Variants in ST6GAL1 observed in about 807,000 individuals in gnomAD.
The protein encoded by ST6GAL1 is ST6 beta-galactoside alpha-2,6-sialyltransferase 1, also known as beta-galactoside alpha-2,6-sialyltransferase 1.
In ST6GAL1, 20 loss-of-function variants were observed where a neutral mutation model predicts 38.0. The ratio of observed to expected loss-of-function variants is 0.53; its 90% CI spans 0.37 to 0.77. The LOEUF (loss-of-function observed/expected upper bound fraction) is 0.77, where lower values mean the gene tolerates loss of function less well. ST6GAL1 is among the 30% of genes least tolerant of loss of function. The probability of loss-of-function intolerance (pLI) is 0.00; values close to 1 mark genes in which losing one functional copy is unlikely to be tolerated. For synonymous variants in ST6GAL1, 196 were observed against 188.2 expected, an observed-to-expected ratio of 1.04 and a Z score of -0.34; for missense variants, 432 against 496.4, an observed-to-expected ratio of 0.87 and a Z score of 1.23.
intron 3 of ST6GAL1, among the ~76,000 whole-genome samples, chr3:187,042,358 T>C (rs1390221302): frequency 6.6e-6 from 1 of 152,120 alleles, no homozygotes; most frequent in Admixed American, 6.5e-5. Context: ...CAGAAACTAA[T>C]ATTCAGCATA....
chr3:187,029,100 G>A (rs114088596), intron 2 of ST6GAL1, among the ~76,000 whole-genome samples: 1,207 of 43,752 alleles, frequency 0.028, 9 homozygotes, highest in Middle Eastern at 0.08. Flanking sequence ...AAAAAAAAAA[G>A]AATTTTTCAT....
intron 1 of ST6GAL1, among the ~76,000 whole-genome samples, chr3:186,959,268 T>G (rs561345478): frequency 1.3e-5 from 2 of 152,298 alleles, no homozygotes; most frequent in African/African-American, 4.8e-5. Flanking sequence ...TAGTTTCAGC[T>G]CTTTGCTGGA....
intron 1 of ST6GAL1, among the ~76,000 whole-genome samples, chr3:186,959,855 A>G (rs997049202): frequency 3.3e-5 from 5 of 152,224 alleles, no homozygotes; most frequent in African/African-American, 1.2e-4. Context: ...CATTGCTCAC[A>G]TCTCAGACAA....
chr3:187,065,974 G>C, intron 5 of ST6GAL1, among the ~76,000 whole-genome samples: 1 of 152,090 alleles, frequency 6.6e-6, no homozygotes, highest in Non-Finnish European at 1.5e-5. Flanking sequence ...GTGGGATTTG[G>C]TTCTAGGTGT....
chr3:187,023,197 GTCT>G (rs1005463937), intron 2 of ST6GAL1, among the ~76,000 whole-genome samples: 1 of 152,130 alleles, frequency 6.6e-6, no homozygotes, highest in East Asian at 1.9e-4. Context: ...TTGCTCAAAT[GTCT>G]TCTTCTCAGT....
chr3:187,008,234 A>G (rs1334947277), intron 2 of ST6GAL1, among the ~76,000 whole-genome samples: 1 of 152,170 alleles, frequency 6.6e-6, no homozygotes, highest in Non-Finnish European at 1.5e-5. Flanking sequence ...CCACCTCATA[A>G]GAAAACTTCT....
intron 1 of ST6GAL1, among the ~76,000 whole-genome samples, chr3:186,960,007 C>T (rs7637693): frequency 0.093 from 14,125 of 152,144 alleles, 987 homozygotes; most frequent in African/African-American, 0.2. Context: ...TGAGTCAACA[C>T]AGAGCACTCG....
At chr3:187,004,460 G>A (rs925725759) in intron 2 of ST6GAL1, among the ~76,000 whole-genome samples, 3 of 152,198 alleles carry the variant, frequency 2.0e-5, no homozygotes, top group African/African-American at 7.2e-5. Flanking sequence ...CCTTTTATAA[G>A]CATTACTGAG....
intron 1 of ST6GAL1, among the ~76,000 whole-genome samples, chr3:186,956,353 G>C (rs2108523552): frequency 6.6e-6 from 1 of 152,130 alleles, no homozygotes; most frequent in East Asian, 1.9e-4. Context: ...ATCTATGCCT[G>C]TAAAATGTTT....
chr3:187,017,367 C>T (rs139731797), intron 2 of ST6GAL1, among the ~76,000 whole-genome samples: 18 of 152,110 alleles, frequency 1.2e-4, no homozygotes, highest in African/African-American at 4.1e-4. Context: ...TATCAGGCAT[C>T]TATATTTTAA....
chr3:186,996,259 G>A (rs2108549320), intron 2 of ST6GAL1, among the ~76,000 whole-genome samples: 1 of 152,298 alleles, frequency 6.6e-6, no homozygotes, highest in East Asian at 1.9e-4. Context: ...ATAGACAATT[G>A]TGTTTTTGAT....
Position 187,051,295 on chromosome 3 carries a change from C to A in ST6GAL1, c.654C>A (p.Asn218Lys). 6.2e-7 allele frequency: 1 copy of A among 1,614,162 alleles called. No homozygotes were observed. Among genetic ancestry groups the A allele is most frequent in the Non-Finnish European group, 8.5e-7 (1 of 1,180,024 alleles). ...VLRFNGAPTA[N>K]FQQDVGTKTT... ...GGTTTAATGGGGCACCCACAGCCAACTTCCAACAAGATGTGGGCACAAAAA... is the reference window on the plus strand; with the variant it reads ...GGTTTAATGGGGCACCCACAGCCAAATTCCAACAAGATGTGGGCACAAAAA... Residue 218 changes from asparagine (N) to lysine (K), a missense_variant, in exon 5 of 8, where the codon AAC (asparagine) becomes AAA (lysine). Transcript: ENST00000169298.
Position 186,954,784 on chromosome 3 carries a change from T to C in ST6GAL1, c.-324-9001T>C, listed in dbSNP as rs368053875. ...ATTTTCTCCCGTTCTGTAGGCTGTC[T>C]GTTCACTCTAATGATAGTTTCTTTT... On this transcript the variant is annotated intron_variant, in intron 1 of 7. Coordinates refer to ENST00000169298, the MANE Select transcript of ST6GAL1 (RefSeq NM_173216.2). Among the ~76,000 whole-genome samples the C allele has an allele frequency of 9.9e-5, 15 of 152,222 alleles. No homozygotes were observed. In the East Asian group the frequency reaches 1.2e-3, roughly 12 times the overall value.
chr3:186,998,756 T>C (rs112664483), intron 2 of ST6GAL1, among the ~76,000 whole-genome samples: 28 of 152,372 alleles, frequency 1.8e-4, no homozygotes, highest in Middle Eastern at 3.4e-3. Flanking sequence ...CCTTTTTCCA[T>C]AAGAAATCTT....
At chr3:187,050,542 G>GAGAGAGAGAT (rs760813592) in intron 4 of ST6GAL1, among the ~76,000 whole-genome samples, 15,267 of 110,544 alleles carry the variant, frequency 0.14, 1,071 homozygotes, top group Admixed American at 0.27. Context: ...GAAAGAGAGA[G>GAGAGAGAGAT]AGAGAGAGAG....
intron 1 of ST6GAL1, among the ~76,000 whole-genome samples, chr3:186,962,747 CA>C (rs1714974945): frequency 6.6e-6 from 1 of 152,066 alleles, no homozygotes; most frequent in African/African-American, 2.4e-5. Flanking sequence ...TGCCATTAGC[CA>C]AAAACAAAAC....
intron 1 of ST6GAL1, chr3:186,948,557 G>GTGTGTGTC (rs1714464244): frequency 6.5e-6 from 1 of 153,316 alleles, no homozygotes; most frequent in African/African-American, 2.4e-5. Flanking sequence ...GTGTGTGTGT[G>GTGTGTGTC]TGTGTGTGTG....
chr3:187,023,467 C>T (rs916839382), intron 2 of ST6GAL1, among the ~76,000 whole-genome samples: 1 of 152,266 alleles, frequency 6.6e-6, no homozygotes, highest in African/African-American at 2.4e-5. Context: ...AAGAATGAAC[C>T]TATAGCTTGG....
At chr3:187,068,575 G>C (rs1719253143) in intron 5 of ST6GAL1, among the ~76,000 whole-genome samples, 2 of 152,178 alleles carry the variant, frequency 1.3e-5, no homozygotes, top group Non-Finnish European at 2.9e-5. Flanking sequence ...AATGGTGTCT[G>C]TTGTTTTCAC....
Sources: allele counts gnomAD v4.1 joint callset (sites outside exome capture counted in the v4.1 genomes callset), GRCh38; gene constraint gnomAD v4.1.1; transcripts MANE v1.5; gene names NCBI Gene and HGNC (gene_info 2026-07-23, HGNC 2026-07-21).